The following MAGI2 variants were observed in gnomAD, a reference collection of about 807,000 sequenced individuals.
MAGI2 encodes the protein membrane associated guanylate kinase, WW and PDZ domain containing 2, also known as membrane-associated guanylate kinase, WW and PDZ domain-containing protein 2.
A neutral mutation model predicts 133.3 loss-of-function variants in MAGI2; 35 were observed. The observed-to-expected ratio is 0.26, with a 90% confidence interval of 0.20 to 0.35. The LOEUF is 0.35. Ranked by LOEUF, MAGI2 falls within the 10% of genes least tolerant of loss-of-function variation. The probability of loss-of-function intolerance (pLI) is 1.00; values close to 1 mark genes in which losing one functional copy is unlikely to be tolerated. For synonymous variants in MAGI2, 729 were observed against 710.6 expected (o/e 1.03, Z -0.41); for missense variants, 1,636 against 1,863.4 (o/e 0.88, Z 2.25).
chr7:78,624,688 T>C (rs1013074073), intron 3 of MAGI2, among the ~76,000 whole-genome samples: 1 of 138,388 alleles, frequency 7.2e-6, no homozygotes, highest in Admixed American at 7.6e-5. Context: ...GAACAGCTAA[T>C]GGATGCTAGG....
intron 2 of MAGI2, among the ~76,000 whole-genome samples, chr7:78,698,478 C>G (rs1376199776): frequency 6.6e-6 from 1 of 152,184 alleles, no homozygotes; most frequent in African/African-American, 2.4e-5. Flanking sequence ...AATACATTAT[C>G]TTTTCACTGT....
At chr7:79,022,416 A>T (rs1239433037) in intron 1 of MAGI2, among the ~76,000 whole-genome samples, 1 of 152,118 alleles carries the variant, frequency 6.6e-6, no homozygotes, top group African/African-American at 2.4e-5. Flanking sequence ...CACCCATATA[A>T]AATAGTTAGA....
At chr7:78,449,455 AAAC>A (rs763619636) in intron 6 of MAGI2, among the ~76,000 whole-genome samples, 8 of 152,126 alleles carry the variant, frequency 5.3e-5, no homozygotes, top group Non-Finnish European at 8.8e-5. Context: ...CAGAAAGGGC[AAAC>A]AACAATAAAT....
chr7:78,778,313 T>A (rs1186537187), intron 2 of MAGI2, among the ~76,000 whole-genome samples: 2 of 152,234 alleles, frequency 1.3e-5, no homozygotes, highest in East Asian at 3.8e-4. Context: ...CTCCACACTT[T>A]AATCCACTCA....
chr7:78,788,457 G>A lies in MAGI2; in HGVS notation c.419-161218C>T, dbSNP rs373477811. Among the ~76,000 whole-genome samples, 34 of 151,856 alleles carry A rather than the reference G, an allele frequency of 2.2e-4. No individual in the cohort carries two copies. In the East Asian group the frequency reaches 6.0e-3, roughly 27 times the overall value. On this transcript the variant is annotated intron_variant, in intron 2 of 21. Coordinates refer to ENST00000354212, the MANE Select transcript of MAGI2 (RefSeq NM_012301.4). ...TTTTATCCTTCATATCCTAACTTTA[G>A]GGTTTTCCAGATGTAGATAATTTCA...
At chr7:79,383,926 A>G (rs1437847168) in intron 1 of MAGI2, among the ~76,000 whole-genome samples, 1 of 151,524 alleles carries the variant, frequency 6.6e-6, no homozygotes, top group East Asian at 1.9e-4. Context: ...TAGATATACC[A>G]GACTGCAATA....
chr7:78,543,590 T>A (rs1798586968), intron 3 of MAGI2, among the ~76,000 whole-genome samples: 1 of 152,254 alleles, frequency 6.6e-6, no homozygotes. Flanking sequence ...GTAATTTAGA[T>A]GATTACCTCA....
intron 1 of MAGI2, among the ~76,000 whole-genome samples, chr7:79,159,149 T>C (rs1295684197): frequency 1.3e-5 from 2 of 152,034 alleles, no homozygotes; most frequent in Non-Finnish European, 2.9e-5. Context: ...TAAATTTCTG[T>C]CCTAAAATAA....
intron 2 of MAGI2, among the ~76,000 whole-genome samples, chr7:78,872,586 C>A (rs191424863): frequency 7.2e-4 from 103 of 142,918 alleles, no homozygotes; most frequent in Non-Finnish European, 1.4e-3. Context: ...CCGTTTATAT[C>A]AGGAATAAGA....
chr7:78,314,078 A>G (rs1213777078), intron 9 of MAGI2, among the ~76,000 whole-genome samples: 1 of 152,160 alleles, frequency 6.6e-6, no homozygotes, highest in Admixed American at 6.6e-5. Context: ...TTTATCATGG[A>G]GCCAAAGGAT....
intron 1 of MAGI2, among the ~76,000 whole-genome samples, chr7:79,367,794 C>G (rs1331585565): frequency 6.9e-6 from 1 of 145,154 alleles, no homozygotes; most frequent in African/African-American, 2.6e-5. Context: ...TAACCCAAGA[C>G]AAAGTTGGAT....
chr7:78,326,518 T>C (rs1788604462), intron 9 of MAGI2, among the ~76,000 whole-genome samples: 1 of 152,188 alleles, frequency 6.6e-6, no homozygotes, highest in Non-Finnish European at 1.5e-5. Flanking sequence ...CCCCAGGACC[T>C]GAAAGGATGC....
chr7:79,124,883 A>G, intron 1 of MAGI2: 2 of 244,168 alleles, frequency 8.2e-6, no homozygotes, highest in Non-Finnish European at 8.0e-6. Context: ...AAATCCAAAC[A>G]CCAAACCCTC....
At chr7:78,100,926 G>T (rs6466022) in intron 20 of MAGI2, among the ~76,000 whole-genome samples, 53,881 of 151,220 alleles carry the variant, frequency 0.36, 11,075 homozygotes, top group African/African-American at 0.58. Flanking sequence ...TATCTGAGAA[G>T]AAATTTTTAA....
rs577512500 is a variant in MAGI2, at chr7:78,987,265, A to G, written c.418+19825T>C. On this transcript the variant is annotated intron_variant, in intron 2 of 21. Transcript: ENST00000354212. ...TAATGAGTTGGAAAAAAGTGCAGAT[A>G]TAGGTGTGCAAATGAATACAACGTT... 4.6e-5 allele frequency among the ~76,000 whole-genome samples: 7 copies of G among 152,214 alleles called. No homozygotes were observed. The South Asian group carries it at 1.5e-3, about 32-fold the overall frequency.
intron 1 of MAGI2, among the ~76,000 whole-genome samples, chr7:79,339,820 T>G (rs1359245912): frequency 1.3e-5 from 2 of 152,110 alleles, no homozygotes; most frequent in Non-Finnish European, 2.9e-5. Flanking sequence ...TTCAGAGGTG[T>G]TGTTCCACAA....
At chr7:78,219,960 T>C (rs555700571) in intron 10 of MAGI2, among the ~76,000 whole-genome samples, 2 of 152,368 alleles carry the variant, frequency 1.3e-5, no homozygotes, top group South Asian at 4.1e-4. Flanking sequence ...GGAATCTTTG[T>C]AAGGCACAAA....
At chr7:78,913,560 A>G (rs1798572864) in intron 2 of MAGI2, among the ~76,000 whole-genome samples, 1 of 152,192 alleles carries the variant, frequency 6.6e-6, no homozygotes, top group Non-Finnish European at 1.5e-5. Flanking sequence ...CAATGCAAGA[A>G]TAGCCTAATG....
chr7:79,416,280 T>A (rs1289764172), intron 1 of MAGI2, among the ~76,000 whole-genome samples: 4 of 151,964 alleles, frequency 2.6e-5, no homozygotes, highest in African/African-American at 9.7e-5. Flanking sequence ...GTAAAAGAGA[T>A]GTTAGGAACA....
Sources: gnomAD v4.1 joint callset for allele counts (sites outside exome capture counted in the v4.1 genomes callset) on GRCh38, gnomAD v4.1.1 for gene constraint, MANE v1.5 for transcripts, NCBI Gene and HGNC (gene_info 2026-07-23, HGNC 2026-07-21) for gene names.